Variants in OPRD1 observed in about 807,000 individuals in gnomAD.
OPRD1 encodes delta-type opioid receptor.
Under a neutral mutation model 17.5 loss-of-function variants are expected in OPRD1, and 19 were observed. The ratio of observed to expected loss-of-function variants is 1.09; its 90% CI spans 0.76 to 1.60. OPRD1 has a LOEUF of 1.60. Ranked by LOEUF, OPRD1 falls within the 40% of genes most tolerant of loss-of-function variation. The pLI is 0.00. For missense variants in OPRD1, 483 were observed against 547.2 expected (o/e 0.88, Z 1.17); for synonymous variants, 256 against 240.9 (o/e 1.06, Z -0.58).
In OPRD1 at chr1:28,870,671, A is replaced by C. The variant is rs957504890; in HGVS notation, c.*7388A>C. On this transcript the variant is annotated 3_prime_UTR_variant, in exon 3 of 3. Coordinates refer to ENST00000234961, the MANE Select transcript of OPRD1 (RefSeq NM_000911.4). ...GTTCTTAAGAGGACATCTTTTCCCAAGCTCCTTAGCCTTAGCTGTCCTCTC... is the reference window on the plus strand; with the variant it reads ...GTTCTTAAGAGGACATCTTTTCCCACGCTCCTTAGCCTTAGCTGTCCTCTC... The C allele has an allele frequency of 4.6e-5, 7 of 152,352 alleles. No individual in the cohort carries two copies. Among genetic ancestry groups the C allele is most frequent in the African/African-American group, 1.7e-4 (7 of 41,560 alleles). The allele number at this position is 152,352 out of a possible 1,614,324, so 9.4% of individuals were successfully genotyped here.
chr1:28,848,444 T>G (rs541828986), intron 1 of OPRD1, among the ~76,000 whole-genome samples: 1 of 152,244 alleles, frequency 6.6e-6, no homozygotes, highest in African/African-American at 2.4e-5. Context: ...ATCAATATAC[T>G]CCGTTCTTAT....
intron 1 of OPRD1, among the ~76,000 whole-genome samples, chr1:28,841,466 G>A (rs2088895887): frequency 6.6e-6 from 1 of 152,204 alleles, no homozygotes; most frequent in African/African-American, 2.4e-5. Context: ...TCCTGTCACC[G>A]CCACTTCTTA....
intron 1 of OPRD1, among the ~76,000 whole-genome samples, chr1:28,853,744 T>C (rs2089029589): frequency 6.6e-6 from 1 of 151,760 alleles, no homozygotes; most frequent in Non-Finnish European, 1.5e-5. Context: ...AAATTTTCTT[T>C]TTTTTTTCTT....
In OPRD1 at chr1:28,862,728, T is replaced by C. The variant is rs768615870; in HGVS notation, c.578-14T>C. 6.4e-7 allele frequency: 1 copy of C among 1,572,700 alleles called. No individual in the cohort carries two copies. The highest frequency in any genetic ancestry group is 8.6e-7 in the Non-Finnish European group (1 of 1,158,558). ...CCCTCACCCCGTCTGTCTTTCCTTGTTTCCGCGGCCCAGACGGGGCAGTGG... is the reference window on the plus strand; with the variant it reads ...CCCTCACCCCGTCTGTCTTTCCTTGCTTCCGCGGCCCAGACGGGGCAGTGG... On this transcript the variant is annotated splice_polypyrimidine_tract_variant and intron_variant, in intron 2 of 2. Coordinates refer to ENST00000234961, the MANE Select transcript of OPRD1 (RefSeq NM_000911.4).
chr1:28,833,906 C>G (rs1328992412), intron 1 of OPRD1, among the ~76,000 whole-genome samples: 3 of 152,170 alleles, frequency 2.0e-5, no homozygotes, highest in Non-Finnish European at 4.4e-5. Flanking sequence ...AGGGAAGACA[C>G]ACACAAAAGT....
At chr1:28,838,254 G>A (rs1168310234) in intron 1 of OPRD1, among the ~76,000 whole-genome samples, 3 of 152,036 alleles carry the variant, frequency 2.0e-5, no homozygotes, top group East Asian at 1.9e-4. Flanking sequence ...GCCAAGAGCC[G>A]GGACCTTGTC....
At chr1:28,813,350 C>G (rs2088648218) in intron 1 of OPRD1, among the ~76,000 whole-genome samples, 2 of 152,332 alleles carry the variant, frequency 1.3e-5, no homozygotes, top group African/African-American at 4.8e-5. Flanking sequence ...TTCGCCAGTG[C>G]CCATCTGGTC....
At chr1:28,838,594 G>T (rs201000695) in intron 1 of OPRD1, among the ~76,000 whole-genome samples, 184 of 152,258 alleles carry the variant, frequency 1.2e-3, no homozygotes, top group Middle Eastern at 0.01. Flanking sequence ...CAGGGGCCCT[G>T]GGACTCCAGG....
At chr1:28,849,875 CTTT>C (rs34907861) in intron 1 of OPRD1, among the ~76,000 whole-genome samples, 11 of 118,104 alleles carry the variant, frequency 9.3e-5, no homozygotes, top group Middle Eastern at 0.01. Context: ...GAGAGTCAAA[CTTT>C]TTTTTTTTTT....
rs1335475174 is a variant in OPRD1 at position 28,870,147 on chromosome 1, C to T, written c.*6864C>T. The T allele has an allele frequency of 1.3e-5, 2 of 152,086 alleles. No homozygotes were observed. The highest frequency in any genetic ancestry group is 2.9e-5 in the Non-Finnish European group (2 of 68,036). 9.4% of individuals were successfully genotyped at this position (152,086 alleles called of 1,614,324 possible). A position where few individuals can be genotyped will look rare whatever the true frequency, so the allele number is the denominator to read the frequency against. ...ATCTACTGAGCTAATGAACAATGTC[C>T]CTGGTGCATAGTAAGTGCCCAATAA... On this transcript the variant is annotated 3_prime_UTR_variant, in exon 3 of 3. Transcript: ENST00000234961.
chr1:28,835,635 G>A (rs201023977), intron 1 of OPRD1, among the ~76,000 whole-genome samples: 1 of 152,186 alleles, frequency 6.6e-6, no homozygotes, highest in African/African-American at 2.4e-5. Context: ...GCTGGACCCC[G>A]GCTGACTGGC....
At chr1:28,817,250 A>T (rs778049825) in intron 1 of OPRD1, among the ~76,000 whole-genome samples, 67 of 152,276 alleles carry the variant, frequency 4.4e-4, no homozygotes, top group Admixed American at 1.4e-3. Context: ...CATCGGGAAG[A>T]TGTGGGTAAT....
At chr1:28,828,549 C>T (rs543136201) in intron 1 of OPRD1, among the ~76,000 whole-genome samples, 3 of 152,068 alleles carry the variant, frequency 2.0e-5, no homozygotes, top group East Asian at 1.9e-4. Flanking sequence ...TGGCTGGGTG[C>T]GGTGGCTCAT....
chr1:28,812,539 C>T lies in OPRD1; in HGVS notation c.156C>T (p.Ile52=). 3 of 1,585,188 alleles carry T rather than the reference C, an allele frequency of 1.9e-6. No homozygotes were observed. The highest frequency in any genetic ancestry group is 1.7e-6 in the Non-Finnish European group (2 of 1,172,762). ...SASSLALAIA[I]TALYSAVCAV... is the part of the protein sequence containing the mutation. ...CGTCCCTCGCCCTGGCAATCGCCATCACCGCGCTCTACTCGGCCGTGTGCG... is the reference window on the plus strand; with the variant it reads ...CGTCCCTCGCCCTGGCAATCGCCATTACCGCGCTCTACTCGGCCGTGTGCG... The change falls in exon 1 of 3, where the codon ATC becomes ATT. Residue 52 remains isoleucine, a synonymous_variant. Transcript: ENST00000234961.
intron 1 of OPRD1, among the ~76,000 whole-genome samples, chr1:28,826,708 G>A (rs998881891): frequency 6.6e-6 from 1 of 152,154 alleles, no homozygotes; most frequent in East Asian, 1.9e-4. Context: ...ATTGATGGCT[G>A]CTGGTTGGGG....
At chr1:28,822,879 A>G (rs2088728056) in intron 1 of OPRD1, among the ~76,000 whole-genome samples, 1 of 152,184 alleles carries the variant, frequency 6.6e-6, no homozygotes, top group Non-Finnish European at 1.5e-5. Flanking sequence ...GGGCTGTGCA[A>G]GGAAAAGGCA....
rs1211903146 is a variant in OPRD1, at chr1:28,866,392, C to T, written c.*3109C>T. 6.6e-6 allele frequency: 1 copy of T among 152,254 alleles called. No individual in the cohort carries two copies. Among genetic ancestry groups the T allele is most frequent in the African/African-American group, 2.4e-5 (1 of 41,458 alleles). The allele number at this position is 152,254 out of a possible 1,614,324, so 9.4% of individuals were successfully genotyped here. A position where few individuals can be genotyped will look rare whatever the true frequency, so the allele number is the denominator to read the frequency against. On this transcript the variant is annotated 3_prime_UTR_variant, in exon 3 of 3. Transcript: ENST00000234961. ...GCGGAGGCATGGGGATGTTTAAATG[C>T]TTGGCAAACCCAACAAGTTGGGTGC...
At position 28,866,210 on chromosome 1, in the gene OPRD1, C is replaced by T. The variant is rs204073; in HGVS notation, c.*2927C>T. 0.098 allele frequency: 14,954 copies of T among 152,214 alleles called. 837 individuals carry two copies. Among genetic ancestry groups the T allele is most frequent in the South Asian group, 0.14 (697 of 4,828 alleles). 9.4% of individuals were successfully genotyped at this position (152,214 alleles called of 1,614,324 possible). ...TGATTGCACCTCAGTGTGATGAGTG[C>T]GGTGACAGGGAGCCCCAGGGAGGGT... On this transcript the variant is annotated 3_prime_UTR_variant, in exon 3 of 3. Transcript: ENST00000234961.
intron 1 of OPRD1, among the ~76,000 whole-genome samples, chr1:28,823,879 C>CA (rs1227703054): frequency 6.7e-6 from 1 of 149,604 alleles, no homozygotes; most frequent in Non-Finnish European, 1.5e-5. Flanking sequence ...CCTGTGAGGT[C>CA]AAAAAAACCC....
Sources: allele counts gnomAD v4.1 joint callset (sites outside exome capture counted in the v4.1 genomes callset), GRCh38; gene constraint gnomAD v4.1.1; transcripts MANE v1.5; gene names NCBI Gene and HGNC (gene_info 2026-07-23, HGNC 2026-07-21).